Variants in NBEA observed in about 807,000 individuals in gnomAD.
The protein encoded by NBEA is lysosomal-trafficking regulator 2.
Under a neutral mutation model 343.4 loss-of-function variants are expected in NBEA, and 44 were observed. That is an observed-to-expected ratio of 0.13 (90% CI 0.10 to 0.16). NBEA has a LOEUF of 0.16. NBEA is among the 10% of genes least tolerant of loss of function. NBEA has a pLI of 1.00. For synonymous variants in NBEA, 1,175 were observed against 1,238.7 expected, an observed-to-expected ratio of 0.95 and a Z score of 1.08; for missense variants, 2,555 against 3,631.3, an observed-to-expected ratio of 0.70 and a Z score of 7.62.
intron 31 of NBEA, among the ~76,000 whole-genome samples, chr13:35,206,388 G>A (rs1285337473): frequency 6.6e-6 from 1 of 152,004 alleles, no homozygotes; most frequent in East Asian, 1.9e-4. Flanking sequence ...CTTTGTGTCT[G>A]CTGTTCTAAA....
intron 1 of NBEA, among the ~76,000 whole-genome samples, chr13:35,019,750 A>G (rs1318290299): frequency 2.0e-5 from 3 of 152,190 alleles, no homozygotes; most frequent in African/African-American, 4.8e-5. Flanking sequence ...ATGTCACTCA[A>G]TGAATTTGTC....
chr13:34,944,081 T>C (rs1187706033), intron 1 of NBEA, among the ~76,000 whole-genome samples: 1 of 152,242 alleles, frequency 6.6e-6, no homozygotes, highest in Non-Finnish European at 1.5e-5. Flanking sequence ...TGTTTTGTTT[T>C]GTTTTTAAAT....
chr13:35,092,639 G>T (rs1243991984), intron 10 of NBEA, among the ~76,000 whole-genome samples: 3 of 151,972 alleles, frequency 2.0e-5, no homozygotes, highest in Non-Finnish European at 2.9e-5. Flanking sequence ...ACAGATAAAT[G>T]TAAATTAAAA....
intron 12 of NBEA, among the ~76,000 whole-genome samples, chr13:35,110,597 C>G (rs1472170974): frequency 6.6e-6 from 1 of 151,678 alleles, no homozygotes; most frequent in African/African-American, 2.4e-5. Flanking sequence ...GTTGGACTAC[C>G]TCTATTATGA....
intron 1 of NBEA, among the ~76,000 whole-genome samples, chr13:35,003,582 A>T (rs951664916): frequency 1.1e-4 from 17 of 152,242 alleles, no homozygotes; most frequent in South Asian, 1.0e-3. Context: ...TCTCTAAATA[A>T]AAATTCCATT....
intron 48 of NBEA, among the ~76,000 whole-genome samples, chr13:35,610,226 T>A (rs2082445142): frequency 6.6e-6 from 1 of 152,082 alleles, no homozygotes; most frequent in Admixed American, 6.6e-5. Context: ...ACCTTGTCCC[T>A]ACAAAAAATA....
chr13:35,493,250 G>A (rs769098019), intron 41 of NBEA, among the ~76,000 whole-genome samples: 2 of 151,908 alleles, frequency 1.3e-5, no homozygotes, highest in Admixed American at 1.3e-4. Flanking sequence ...GGGTTGCTGG[G>A]ATTTTGGAAG....
chr13:35,015,309 A>G (rs547471898), intron 1 of NBEA, among the ~76,000 whole-genome samples: 2 of 152,146 alleles, frequency 1.3e-5, no homozygotes, highest in East Asian at 3.9e-4. Context: ...AACTCATTTA[A>G]TAATGAGTTA....
At chr13:35,494,122 T>C (rs1307218585) in intron 41 of NBEA, among the ~76,000 whole-genome samples, 2 of 151,952 alleles carry the variant, frequency 1.3e-5, no homozygotes, top group Non-Finnish European at 2.9e-5. Flanking sequence ...AAACCAATGA[T>C]AAGTAAGAAA....
intron 38 of NBEA, among the ~76,000 whole-genome samples, chr13:35,378,756 A>G (rs901251957): frequency 1.3e-5 from 2 of 151,812 alleles, no homozygotes; most frequent in Admixed American, 6.6e-5. Context: ...ACCACACTAG[A>G]TGAAGACACA....
At chr13:35,409,308 A>G (rs954345818) in intron 38 of NBEA, among the ~76,000 whole-genome samples, 1 of 152,084 alleles carries the variant, frequency 6.6e-6, no homozygotes, top group Non-Finnish European at 1.5e-5. Context: ...CACATGACAC[A>G]TAGAGGGAAA....
chr13:35,194,457 AC>A (rs2152740747), intron 30 of NBEA, among the ~76,000 whole-genome samples: 1 of 152,236 alleles, frequency 6.6e-6, no homozygotes, highest in African/African-American at 2.4e-5. Context: ...TATAGAATTT[AC>A]TGATTTTCAA....
At chr13:35,069,099 C>G (rs1237843183) in intron 8 of NBEA, among the ~76,000 whole-genome samples, 5 of 152,026 alleles carry the variant, frequency 3.3e-5, no homozygotes. Flanking sequence ...ATTTCACTAT[C>G]GAAACATTGA....
chr13:35,335,471 A>G (rs2039194839), intron 36 of NBEA, among the ~76,000 whole-genome samples: 1 of 151,964 alleles, frequency 6.6e-6, no homozygotes, highest in South Asian at 2.1e-4. Context: ...CTTCCAATCC[A>G]TGAACACAGA....
At chr13:35,063,706 T>A (rs1438435905) in intron 8 of NBEA, among the ~76,000 whole-genome samples, 1 of 151,808 alleles carries the variant, frequency 6.6e-6, no homozygotes, top group Non-Finnish European at 1.5e-5. Context: ...GGAGAAAAGG[T>A]GGAAATAGGG....
chr13:35,145,807 G>T (rs557835994), intron 18 of NBEA, among the ~76,000 whole-genome samples: 1 of 152,158 alleles, frequency 6.6e-6, no homozygotes. Flanking sequence ...GGGAATTACA[G>T]CCTCATTAAT....
At position 35,257,674 on chromosome 13, in the gene NBEA, G is replaced by T. The variant is rs1483754825; in HGVS notation, c.5776+25055G>T. Among the ~76,000 whole-genome samples the T allele has an allele frequency of 8.5e-5, 13 of 152,174 alleles. No individual in the cohort carries two copies. The East Asian group carries it at 2.1e-3, about 25-fold the overall frequency. On this transcript the variant is annotated intron_variant, in intron 34 of 58. Transcript: ENST00000379939. ...ATATTTTGGAAAAAGTTGTATATAAGTGGTAAACTATTTGAAAATCATTCT... is the reference window on the plus strand; with the variant it reads ...ATATTTTGGAAAAAGTTGTATATAATTGGTAAACTATTTGAAAATCATTCT...
At chr13:35,643,324 C>T (rs991569342) in intron 49 of NBEA, among the ~76,000 whole-genome samples, 1 of 152,106 alleles carries the variant, frequency 6.6e-6, no homozygotes, top group African/African-American at 2.4e-5. Context: ...CTACCATGTG[C>T]ACTGACACAC....
At position 35,339,535 on chromosome 13, in the gene NBEA, G is replaced by C. The variant is rs975960311; in HGVS notation, c.5904-9573G>C. 5.3e-5 allele frequency among the ~76,000 whole-genome samples: 8 copies of C among 152,194 alleles called. No individual in the cohort carries two copies. In the South Asian group the frequency reaches 1.5e-3, roughly 28 times the overall value. ...AACCATTTGGATGGGCACTGTAGTA[G>C]TCTATTCTTGCATTGCTATAAAGAA... On this transcript the variant is annotated intron_variant, in intron 36 of 58. Transcript: ENST00000379939.
Sources: allele counts gnomAD v4.1 joint callset (sites outside exome capture counted in the v4.1 genomes callset), GRCh38; gene constraint gnomAD v4.1.1; transcripts MANE v1.5; gene names NCBI Gene and HGNC (gene_info 2026-07-23, HGNC 2026-07-21).